Variants in PIP4K2A observed in about 807,000 individuals in gnomAD.
PIP4K2A encodes phosphatidylinositol 5-phosphate 4-kinase type-2 alpha.
Under a neutral mutation model 42.9 loss-of-function variants are expected in PIP4K2A, and 14 were observed. The ratio of observed to expected loss-of-function variants is 0.33; its 90% CI spans 0.22 to 0.51. The LOEUF (loss-of-function observed/expected upper bound fraction) is 0.51. Among genes scored for constraint, PIP4K2A ranks in the 20% least tolerant of loss-of-function variants. The pLI, the probability that PIP4K2A is intolerant of heterozygous loss-of-function variation, is 0.97. For synonymous variants in PIP4K2A, 192 were observed against 192.2 expected (o/e 1.00, Z 0.01); for missense variants, 434 against 519.8 (o/e 0.83, Z 1.61).
intron 1 of PIP4K2A, among the ~76,000 whole-genome samples, chr10:22,625,197 T>C (rs923814303): frequency 6.6e-6 from 1 of 152,226 alleles, no homozygotes; most frequent in Admixed American, 6.5e-5. Context: ...ATGAAAGCCA[T>C]TAAAACTGAC....
intron 9 of PIP4K2A, 77 bp downstream of exon 9, chr10:22,539,887 GAGAGAGA>G: frequency 3.4e-6 from 2 of 585,496 alleles, no homozygotes; most frequent in East Asian, 5.8e-5. Context: ...GAGGAGCCAG[GAGAGAGA>G]GAGAGAGAGA....
chr10:22,584,635 C>A (rs1203906022), intron 4 of PIP4K2A, among the ~76,000 whole-genome samples: 3 of 152,128 alleles, frequency 2.0e-5, no homozygotes, highest in Non-Finnish European at 4.4e-5. Context: ...ACATTGGGAA[C>A]AGAGGGCTAC....
chr10:22,662,710 G>A (rs1839224899), intron 1 of PIP4K2A, among the ~76,000 whole-genome samples: 1 of 152,130 alleles, frequency 6.6e-6, no homozygotes, highest in South Asian at 2.1e-4. Context: ...ACCAGAAAAT[G>A]GAGAAATATA....
intron 1 of PIP4K2A, among the ~76,000 whole-genome samples, chr10:22,694,859 A>T (rs1191443169): frequency 6.6e-6 from 1 of 152,184 alleles, no homozygotes; most frequent in Admixed American, 6.5e-5. Flanking sequence ...CCTTAACATA[A>T]ACTGGAACAC....
intron 1 of PIP4K2A, among the ~76,000 whole-genome samples, chr10:22,637,618 G>C (rs1002832949): frequency 2.6e-5 from 4 of 152,122 alleles, no homozygotes; most frequent in African/African-American, 7.2e-5. Context: ...TGTGCAGTGA[G>C]GTTCAATGGC....
intron 7 of PIP4K2A, among the ~76,000 whole-genome samples, chr10:22,549,838 C>CAAAAAAAAAAAAAAAAAAAAAAAAA (rs56349240): frequency 1.4e-5 from 1 of 70,130 alleles, no homozygotes; most frequent in Non-Finnish European, 2.6e-5. Flanking sequence ...GAATCCATCT[C>CAAAAAAAAAAAAAAAAAAAAAAAAA]AAAAAAAAAA....
At chr10:22,615,888 G>A (rs916079945) in intron 1 of PIP4K2A, among the ~76,000 whole-genome samples, 3 of 152,150 alleles carry the variant, frequency 2.0e-5, no homozygotes, top group African/African-American at 2.4e-5. Flanking sequence ...GCCCCACACA[G>A]AGTGGCTGGA....
At chr10:22,581,922 G>A (rs1837290870) in intron 4 of PIP4K2A, among the ~76,000 whole-genome samples, 1 of 152,026 alleles carries the variant, frequency 6.6e-6, no homozygotes, top group East Asian at 1.9e-4. Flanking sequence ...GACCAGCCTA[G>A]GCAACATGAG....
intron 6 of PIP4K2A, among the ~76,000 whole-genome samples, chr10:22,562,223 A>G (rs542947050): frequency 2.9e-5 from 3 of 102,372 alleles, no homozygotes; most frequent in Admixed American, 1.2e-4. Flanking sequence ...ACTTTTTTTA[A>G]AAGTTAAAAA....
intron 1 of PIP4K2A, among the ~76,000 whole-genome samples, chr10:22,677,914 G>A (rs1040773853): frequency 5.3e-5 from 8 of 152,096 alleles, no homozygotes; most frequent in African/African-American, 1.7e-4. Flanking sequence ...GTGGTCTAAG[G>A]AAGAGTCGAT....
intron 1 of PIP4K2A, among the ~76,000 whole-genome samples, chr10:22,681,938 G>A (rs1839670614): frequency 6.6e-6 from 1 of 151,994 alleles, no homozygotes; most frequent in Admixed American, 6.6e-5. Flanking sequence ...CTTATCTACA[G>A]ACACTGAAAT....
At chr10:22,703,800 G>A (rs1482488707) in intron 1 of PIP4K2A, among the ~76,000 whole-genome samples, 1 of 152,208 alleles carries the variant, frequency 6.6e-6, no homozygotes, top group African/African-American at 2.4e-5. Flanking sequence ...TCCTGAGAAA[G>A]AAGATTCAAA....
At chr10:22,646,361 A>C (rs1199514510) in intron 1 of PIP4K2A, 1 of 152,162 alleles carries the variant, frequency 6.6e-6, no homozygotes, top group Non-Finnish European at 1.5e-5. Flanking sequence ...AATAATTCTC[A>C]TGGCCTTTTG....
chr10:22,687,887 G>T (rs935077751), intron 1 of PIP4K2A, among the ~76,000 whole-genome samples: 1 of 152,164 alleles, frequency 6.6e-6, no homozygotes. Context: ...TGCGGAACAT[G>T]CAGATACAAA....
chr10:22,672,369 A>C (rs1839472532), intron 1 of PIP4K2A, among the ~76,000 whole-genome samples: 3 of 152,238 alleles, frequency 2.0e-5, no homozygotes. Flanking sequence ...TCACACCTTC[A>C]TAACCACTTC....
intron 1 of PIP4K2A, among the ~76,000 whole-genome samples, chr10:22,713,232 C>T (rs1392042841): frequency 6.6e-6 from 1 of 152,190 alleles, no homozygotes; most frequent in Non-Finnish European, 1.5e-5. Context: ...ACCCTCGAAC[C>T]GCAGTCCGCA....
chr10:22,583,884 G>A (rs1405762447), intron 4 of PIP4K2A, among the ~76,000 whole-genome samples: 1 of 152,228 alleles, frequency 6.6e-6, no homozygotes, highest in African/African-American at 2.4e-5. Context: ...TCTGCCTTCC[G>A]AGGGCAGCCT....
chr10:22,565,965 T>C (rs892707356), intron 6 of PIP4K2A, among the ~76,000 whole-genome samples: 9 of 152,134 alleles, frequency 5.9e-5, no homozygotes, highest in African/African-American at 1.4e-4. Context: ...GTCAGACCGG[T>C]TGATCTCAAA....
intron 1 of PIP4K2A, among the ~76,000 whole-genome samples, chr10:22,675,675 C>T (rs1839544628): frequency 6.6e-6 from 1 of 152,128 alleles, no homozygotes; most frequent in Non-Finnish European, 1.5e-5. Flanking sequence ...AATGAAAAGA[C>T]TCTCCTGAAC....
Sources: allele counts gnomAD v4.1 joint callset (sites outside exome capture counted in the v4.1 genomes callset), GRCh38; gene constraint gnomAD v4.1.1; transcripts MANE v1.5; gene names NCBI Gene and HGNC (gene_info 2026-07-23, HGNC 2026-07-21).